The following GPHN variants were observed in gnomAD, a reference collection of about 807,000 sequenced individuals.
GPHN encodes the protein gephyrin.
Under a neutral mutation model 95.5 loss-of-function variants are expected in GPHN, and 17 were observed. The ratio of observed to expected loss-of-function variants is 0.18; its 90% CI spans 0.12 to 0.27. The LOEUF is 0.27. Among genes scored for constraint, GPHN ranks in the 10% least tolerant of loss-of-function variants. GPHN has a pLI of 1.00. For missense variants in GPHN, 660 were observed against 978.1 expected (o/e 0.67, Z 4.34); for synonymous variants, 320 against 322.5 (o/e 0.99, Z 0.08).
chr14:66,787,176 G>GA (rs986050916), intron 3 of GPHN, among the ~76,000 whole-genome samples: 5 of 151,960 alleles, frequency 3.3e-5, no homozygotes, highest in African/African-American at 1.2e-4. Flanking sequence ...AACACAAAAA[G>GA]AAAAAAATCA....
At chr14:67,428,683 T>C in the GPHN span, among the ~76,000 whole-genome samples, 1 of 152,254 alleles carries the variant, frequency 6.6e-6, no homozygotes, top group African/African-American at 2.4e-5. Flanking sequence ...TCACCAGCTA[T>C]TCCCTCACCA....
intron 1 of GPHN, among the ~76,000 whole-genome samples, chr14:66,512,849 A>G (rs1010642141): frequency 1.3e-5 from 2 of 151,810 alleles, no homozygotes; most frequent in African/African-American, 4.8e-5. Flanking sequence ...TTATGTGTCA[A>G]TATTATTTTC....
chr14:67,717,821 T>A, the GPHN span: 6,560 of 152,244 alleles, frequency 0.043, 207 homozygotes, highest in Non-Finnish European at 0.066. Context: ...CCCAGCACTT[T>A]GAGAGACCAA....
chr14:67,733,802 G>A, the GPHN span: 14 of 1,613,334 alleles, frequency 8.7e-6, no homozygotes, highest in Non-Finnish European at 1.1e-5. Flanking sequence ...ACAGCTGAGC[G>A]CCTATGGAAT....
At chr14:67,300,612 G>C in the GPHN span, among the ~76,000 whole-genome samples, 1 of 152,126 alleles carries the variant, frequency 6.6e-6, no homozygotes, top group Admixed American at 6.5e-5. Flanking sequence ...ACTGGTGTGA[G>C]CCATTGTATC....
the GPHN span, chr14:67,199,864 G>A: frequency 2.7e-6 from 4 of 1,494,848 alleles, no homozygotes; most frequent in African/African-American, 4.2e-5. Context: ...TATGCCTCCT[G>A]GGGCTGCAGG....
Position 66,735,690 on chromosome 14 carries a change from T to C in GPHN, c.144-40774T>C, listed in dbSNP as rs138839205. Among the ~76,000 whole-genome samples the C allele has an allele frequency of 2.0e-4, 30 of 152,260 alleles. No individual in the cohort carries two copies. The East Asian group carries it at 5.6e-3, about 28-fold the overall frequency. On this transcript the variant is annotated intron_variant, in intron 2 of 22. Transcript: ENST00000478722. ...TGAGAAAGTTTGAGAACTTCTGATA[T>C]AGCCAAATTTTATTTTATTTTATTT...
At chr14:67,306,056 G>A in the GPHN span, among the ~76,000 whole-genome samples, 7 of 152,052 alleles carry the variant, frequency 4.6e-5, no homozygotes, top group Non-Finnish European at 7.4e-5. Context: ...TGCAACCTCC[G>A]CCTCCCAGAG....
At chr14:67,520,813 TC>T in the GPHN span, among the ~76,000 whole-genome samples, 1 of 152,376 alleles carries the variant, frequency 6.6e-6, no homozygotes, top group South Asian at 2.1e-4. Flanking sequence ...AATTTCCAAC[TC>T]CTTTGGGCAA....
At chr14:67,225,926 A>AGTGTGTGTGT in the GPHN span, among the ~76,000 whole-genome samples, 10,682 of 136,506 alleles carry the variant, frequency 0.078, 530 homozygotes, top group Non-Finnish European at 0.11. Flanking sequence ...TAATGCTGTG[A>AGTGTGTGTGT]GTGTGTGTGT....
At chr14:67,579,526 C>T in the GPHN span, 1 of 652,036 alleles carries the variant, frequency 1.5e-6, no homozygotes, top group African/African-American at 1.8e-5. Context: ...CCAGGTATGC[C>T]CAGTTCATTT....
chr14:67,617,567 A>C, the GPHN span, among the ~76,000 whole-genome samples: 3 of 152,194 alleles, frequency 2.0e-5, no homozygotes, highest in East Asian at 5.8e-4. Flanking sequence ...TCACTCTCCC[A>C]GTGCATAATA....
intron 17 of GPHN, among the ~76,000 whole-genome samples, chr14:67,132,833 C>G (rs985054639): frequency 4.6e-5 from 7 of 151,260 alleles, no homozygotes; most frequent in African/African-American, 1.2e-4. Flanking sequence ...CCCATTTACC[C>G]TTTTTGTCAT....
At chr14:67,507,818 T>C in the GPHN span, among the ~76,000 whole-genome samples, 1 of 152,142 alleles carries the variant, frequency 6.6e-6, no homozygotes, top group Non-Finnish European at 1.5e-5. Flanking sequence ...ACACCACCTC[T>C]CAGCTGCCCC....
intron 12 of GPHN, among the ~76,000 whole-genome samples, chr14:67,096,977 G>A (rs1337033126): frequency 1.3e-5 from 2 of 152,096 alleles, no homozygotes; most frequent in African/African-American, 4.8e-5. Flanking sequence ...ATAAAACTTT[G>A]TGTTAGAAAA....
At chr14:67,122,429 T>A in intron 17 of GPHN, 52 bp downstream of exon 17, 1 of 1,521,286 alleles carries the variant, frequency 6.6e-7, no homozygotes, top group Non-Finnish European at 9.1e-7. Flanking sequence ...ATACGAGTTT[T>A]TGGAATACTC....
intron 12 of GPHN, among the ~76,000 whole-genome samples, chr14:67,097,623 C>G (rs969228737): frequency 6.6e-6 from 1 of 152,060 alleles, no homozygotes; most frequent in African/African-American, 2.4e-5. Context: ...ATCAGAAATC[C>G]TTTTATCATG....
At chr14:67,120,788 A>G (rs564340113) in intron 16 of GPHN, among the ~76,000 whole-genome samples, 1 of 152,242 alleles carries the variant, frequency 6.6e-6, no homozygotes, top group Admixed American at 6.5e-5. Context: ...CAATTTTCCA[A>G]GTACTGCCAG....
At chr14:67,569,497 G>C in the GPHN span, among the ~76,000 whole-genome samples, 69,481 of 148,786 alleles carry the variant, frequency 0.47, 16,466 homozygotes, top group South Asian at 0.57. Context: ...CACAGGCTTC[G>C]CTTCTGCAGT....
Sources: gnomAD v4.1 joint callset for allele counts (sites outside exome capture counted in the v4.1 genomes callset) on GRCh38, gnomAD v4.1.1 for gene constraint, MANE v1.5 for transcripts, NCBI Gene and HGNC (gene_info 2026-07-23, HGNC 2026-07-21) for gene names.